The following DNAH9 variants were observed in gnomAD, a reference collection of about 807,000 sequenced individuals.
DNAH9 encodes the protein DNAH9 variant protein.
DNAH9 carries 345 observed loss-of-function variants against 471.6 expected under a neutral mutation model. That is an observed-to-expected ratio of 0.73 (90% CI 0.67 to 0.80). The LOEUF (loss-of-function observed/expected upper bound fraction) is 0.80, where lower values mean the gene tolerates loss of function less well. Among genes scored for constraint, DNAH9 ranks in the 30% least tolerant of loss-of-function variants. The probability of loss-of-function intolerance (pLI) is 0.00; values close to 1 mark genes in which losing one functional copy is unlikely to be tolerated. For synonymous variants in DNAH9, 2,093 were observed against 2,123.6 expected (o/e 0.99, Z 0.40); for missense variants, 5,407 against 5,609.2 (o/e 0.96, Z 1.15).
intron 61 of DNAH9, among the ~76,000 whole-genome samples, chr17:11,912,907 C>T (rs1224563762): frequency 2.0e-5 from 3 of 152,008 alleles, no homozygotes; most frequent in Non-Finnish European, 4.4e-5. Flanking sequence ...GTGGCTCATG[C>T]CTGTAATCCT....
At chr17:11,636,820 C>G in intron 9 of DNAH9, 36 bp downstream of exon 9, 5 of 1,594,572 alleles carry the variant, frequency 3.1e-6, no homozygotes, top group Non-Finnish European at 4.3e-6. Context: ...TGGGGACATT[C>G]TGTTACTGGA....
At chr17:11,858,943 G>C (rs1167133352) in intron 50 of DNAH9, among the ~76,000 whole-genome samples, 1 of 151,982 alleles carries the variant, frequency 6.6e-6, no homozygotes, top group African/African-American at 2.4e-5. Context: ...AATTAACCCG[G>C]CGTGGTGGTA....
intron 43 of DNAH9, among the ~76,000 whole-genome samples, chr17:11,803,891 G>A (rs1474875431): frequency 4.6e-5 from 7 of 152,196 alleles, no homozygotes; most frequent in Non-Finnish European, 8.8e-5. Flanking sequence ...TCAGGAGAGA[G>A]AGGCTGGGTA....
intron 45 of DNAH9, among the ~76,000 whole-genome samples, chr17:11,818,249 T>G (rs1970172528): frequency 6.6e-6 from 1 of 151,986 alleles, no homozygotes; most frequent in Non-Finnish European, 1.5e-5. Context: ...GCCAATATGG[T>G]GAAACCCCGT....
At chr17:11,648,531 T>G (rs1007727976) in intron 12 of DNAH9, among the ~76,000 whole-genome samples, 18 of 152,140 alleles carry the variant, frequency 1.2e-4, no homozygotes, top group African/African-American at 4.1e-4. Context: ...ATATAGTAAT[T>G]AAGTCCTTGG....
intron 26 of DNAH9, among the ~76,000 whole-genome samples, chr17:11,717,701 G>T (rs1381875047): frequency 6.6e-6 from 1 of 152,120 alleles, no homozygotes; most frequent in Non-Finnish European, 1.5e-5. Context: ...ACAACTGGAT[G>T]ATTTTTAGTA....
chr17:11,644,546 T>G (rs1338370044), intron 10 of DNAH9, 85 bp from the exon 11 acceptor site: 4 of 988,242 alleles, frequency 4.0e-6, no homozygotes, highest in South Asian at 1.5e-5. Flanking sequence ...ATTCACGCTC[T>G]TCTTTGGAGA....
intron 13 of DNAH9, 93 bp from the exon 14 acceptor site, chr17:11,652,668 G>C: frequency 8.4e-7 from 1 of 1,185,886 alleles, no homozygotes; most frequent in Non-Finnish European, 1.2e-6. Context: ...TATAACACTC[G>C]CAAGTATTAA....
chr17:11,709,433 T>C (rs2074793795), intron 26 of DNAH9, among the ~76,000 whole-genome samples: 2 of 152,212 alleles, frequency 1.3e-5, no homozygotes, highest in Non-Finnish European at 2.9e-5. Context: ...GAAAATCACA[T>C]TTTAAAAAGC....
At chr17:11,793,750 G>C (rs140494921) in intron 42 of DNAH9, 86 bp downstream of exon 42, 1 of 1,174,906 alleles carries the variant, frequency 8.5e-7, no homozygotes, top group African/African-American at 1.6e-5. Flanking sequence ...AAATCTAGCT[G>C]TTTAATGGAG....
chr17:11,902,517 A>G (rs1973446942), intron 59 of DNAH9, among the ~76,000 whole-genome samples: 2 of 152,176 alleles, frequency 1.3e-5, no homozygotes, highest in South Asian at 2.1e-4. Context: ...TAAATCTTGC[A>G]TGTTATTGGG....
intron 63 of DNAH9, among the ~76,000 whole-genome samples, chr17:11,930,563 G>C (rs1354896044): frequency 6.6e-6 from 1 of 152,084 alleles, no homozygotes; most frequent in African/African-American, 2.4e-5. Context: ...GTAACTGCAT[G>C]TTAGACCCCC....
At chr17:11,650,068 T>G (rs180749579) in intron 12 of DNAH9, among the ~76,000 whole-genome samples, 86 of 152,334 alleles carry the variant, frequency 5.6e-4, no homozygotes, top group African/African-American at 2.0e-3. Context: ...TTTTAATTAT[T>G]TTCTTTTCAC....
At chr17:11,955,300 A>G (rs1217638366) in intron 67 of DNAH9, among the ~76,000 whole-genome samples, 2 of 152,152 alleles carry the variant, frequency 1.3e-5, no homozygotes, top group African/African-American at 4.8e-5. Flanking sequence ...TGGCCCACAA[A>G]GCCTGTAATA....
chr17:11,679,657 A>G (rs2074100578), intron 17 of DNAH9, 100 bp from the exon 18 acceptor site: 1 of 857,080 alleles, frequency 1.2e-6, no homozygotes, highest in Non-Finnish European at 2.0e-6. Context: ...ATGTGGTAGG[A>G]TTTTCATAAT....
rs546246086 is a variant in DNAH9 at position 11,865,664 on chromosome 17, A to G, written c.9934-3470A>G. On this transcript the variant is annotated intron_variant, in intron 50 of 68. Transcript: ENST00000262442. ...CGTCACTTTCAGGTACACCAATCAG[A>G]CGTAGATTTGGTCTTTTCACATAGT... Among the ~76,000 whole-genome samples the G allele has an allele frequency of 7.6e-3, 1,155 of 151,876 alleles. 12 individuals carry two copies. Among genetic ancestry groups the G allele is most frequent in the African/African-American group, 0.025 (1,046 of 41,434 alleles).
At position 11,902,699 on chromosome 17, in the gene DNAH9, G is replaced by C. The variant is rs374915843; in HGVS notation, c.11407-20G>C. 28 of 1,603,078 alleles carry C rather than the reference G, an allele frequency of 1.7e-5. No individual in the cohort carries two copies. In the East Asian group the frequency reaches 6.3e-4, roughly 36 times the overall value. ...AGCTTTCTGGAGAAACTGCATTTCAGATTCTCTGAAATTTCCCAGGTACTT... is the reference window on the plus strand; with the variant it reads ...AGCTTTCTGGAGAAACTGCATTTCACATTCTCTGAAATTTCCCAGGTACTT... On this transcript the variant is annotated intron_variant, in intron 59 of 68. Transcript: ENST00000262442.
In DNAH9 at chr17:11,754,486, C is replaced by T. The variant is rs942793493; in HGVS notation, c.6738+1526C>T. On this transcript the variant is annotated intron_variant, in intron 33 of 68. Transcript: ENST00000262442. The stretch of plus-strand genomic sequence containing the variant: ...CCCTTTTCTCCACAACCTCACCAGC[C>T]TCTGTTCTTTTATTGACATTTTAAT... 5.9e-5 allele frequency among the ~76,000 whole-genome samples: 9 copies of T among 152,172 alleles called. 1 individual carries two copies. The highest frequency in any genetic ancestry group is 2.6e-4 in the Admixed American group (4 of 15,280).
rs765120835 is a variant in DNAH9, at chr17:11,962,258, T to C, written c.13233+2T>C. The C allele has an allele frequency of 1.3e-6, 2 of 1,594,864 alleles. No individual in the cohort carries two copies. Among genetic ancestry groups the C allele is most frequent in the African/African-American group, 2.7e-5 (2 of 74,412 alleles). On this transcript the variant is annotated splice_donor_variant, in intron 68 of 68. Transcript: ENST00000262442. LOFTEE classifies it high-confidence loss of function. This position sits in a 1 kb window ranked among gnomAD's most constrained non-coding sequence, Gnocchi z 4.1. The stretch of plus-strand genomic sequence containing the variant: ...GAAGGTGCCTGCTGGGACACACAGG[T>C]AAAGCTTGGAATGAACCAAAGGGCA...
Sources: gnomAD v4.1 joint callset for allele counts (sites outside exome capture counted in the v4.1 genomes callset) on GRCh38, gnomAD v4.1.1 for gene constraint, Gnocchi (gnomAD v3.1) non-coding constraint, MANE v1.5 for transcripts, NCBI Gene and HGNC (gene_info 2026-07-23, HGNC 2026-07-21) for gene names.